FBXL13: variants seen among roughly 807,000 people sequenced by gnomAD.
FBXL13 encodes the protein F-box and leucine-rich repeat protein 13.
A neutral mutation model predicts 83.6 loss-of-function variants in FBXL13; 67 were observed. That is an observed-to-expected ratio of 0.80 (90% CI 0.66 to 0.98). The LOEUF is 0.98. Among genes scored for constraint, FBXL13 ranks in the 50% least tolerant of loss-of-function variants. The pLI is 0.00. For synonymous variants in FBXL13, 272 were observed against 299.5 expected (o/e 0.91, Z 0.95); for missense variants, 822 against 866.5 (o/e 0.95, Z 0.64).
At chr7:103,034,302 T>C (rs932517379) in intron 2 of FBXL13, among the ~76,000 whole-genome samples, 3 of 152,014 alleles carry the variant, frequency 2.0e-5, no homozygotes, top group African/African-American at 7.2e-5. Flanking sequence ...GGGCGGCGCT[T>C]GTAGGGGAGG....
At chr7:102,842,285 G>A (rs1803084510) in intron 17 of FBXL13, among the ~76,000 whole-genome samples, 1 of 152,206 alleles carries the variant, frequency 6.6e-6, no homozygotes, top group Non-Finnish European at 1.5e-5. Flanking sequence ...AAGAGGTGGA[G>A]TTACTGAAAT....
chr7:102,987,696 T>C (rs1230674847), intron 6 of FBXL13, among the ~76,000 whole-genome samples: 1 of 152,222 alleles, frequency 6.6e-6, no homozygotes, highest in Non-Finnish European at 1.5e-5. Flanking sequence ...CATACACTAA[T>C]CACTAATGGG....
rs762442584 is a variant in FBXL13, at chr7:102,942,312, A to G, written c.725-10379T>C. On this transcript the variant is annotated intron_variant, in intron 8 of 19. Coordinates refer to ENST00000313221, the Ensembl canonical transcript of FBXL13. ...CAGGGTCTTTGAGATGAAACCCTGCAAGTAGACTTACGTGAATGATTTTTG... is the reference window on the plus strand; with the variant it reads ...CAGGGTCTTTGAGATGAAACCCTGCGAGTAGACTTACGTGAATGATTTTTG... 6.3e-6 allele frequency: 10 copies of G among 1,598,084 alleles called. No homozygotes were observed. In the East Asian group the frequency reaches 2.3e-4, roughly 37 times the overall value.
At chr7:103,034,899 A>G (rs1174492353) in intron 2 of FBXL13, among the ~76,000 whole-genome samples, 1 of 152,264 alleles carries the variant, frequency 6.6e-6, no homozygotes, top group African/African-American at 2.4e-5. Flanking sequence ...AGTTTTTGAA[A>G]AAACACAATC....
chr7:102,939,474 C>A, intron 8 of FBXL13: 2 of 1,613,582 alleles, frequency 1.2e-6, no homozygotes, highest in Non-Finnish European at 1.7e-6. Flanking sequence ...TATTGTTAAA[C>A]TTGACTTGTC....
chr7:102,868,816 C>T (rs1808116819), intron 16 of FBXL13, among the ~76,000 whole-genome samples: 1 of 152,176 alleles, frequency 6.6e-6, no homozygotes, highest in Non-Finnish European at 1.5e-5. Flanking sequence ...CACAGGTGTG[C>T]ACCACCATGT....
intron 1 of FBXL13, among the ~76,000 whole-genome samples, chr7:103,056,416 G>A (rs965868551): frequency 6.6e-6 from 1 of 151,930 alleles, no homozygotes; most frequent in South Asian, 2.1e-4. Context: ...TGATCAAATG[G>A]TAGTTCTACG....
chr7:102,942,969 T>G (rs996958683), intron 8 of FBXL13, among the ~76,000 whole-genome samples: 4 of 150,090 alleles, frequency 2.7e-5, no homozygotes, highest in African/African-American at 9.8e-5. Flanking sequence ...GTAGATTTCT[T>G]TGCTCTTAGA....
At chr7:102,938,536 T>A (rs1585040948) in intron 8 of FBXL13, among the ~76,000 whole-genome samples, 1 of 152,072 alleles carries the variant, frequency 6.6e-6, no homozygotes, top group Non-Finnish European at 1.5e-5. Flanking sequence ...TTGTAAGGGG[T>A]AATAATCAAG....
intron 6 of FBXL13, among the ~76,000 whole-genome samples, chr7:102,997,989 C>A (rs76547519): frequency 0.041 from 6,253 of 152,246 alleles, 167 homozygotes; most frequent in East Asian, 0.15. Context: ...GGAACCTCCA[C>A]ATTGTCTTCC....
chr7:102,860,467 AGT>A (rs775269373), intron 16 of FBXL13, among the ~76,000 whole-genome samples: 2 of 152,216 alleles, frequency 1.3e-5, no homozygotes, highest in Non-Finnish European at 2.9e-5. Context: ...TCATGTGCAA[AGT>A]GTGAGTTGTT....
chr7:102,964,368 A>G (rs1361176202), intron 7 of FBXL13, among the ~76,000 whole-genome samples: 1 of 150,802 alleles, frequency 6.6e-6, no homozygotes, highest in Non-Finnish European at 1.5e-5. Context: ...AAGGTACTCC[A>G]TAACTCCACA....
At chr7:102,842,028 G>C (rs895160102) in intron 17 of FBXL13, among the ~76,000 whole-genome samples, 1 of 152,126 alleles carries the variant, frequency 6.6e-6, no homozygotes, top group Admixed American at 6.5e-5. Flanking sequence ...AGACCCTCTG[G>C]AATCTCCATC....
intron 8 of FBXL13, among the ~76,000 whole-genome samples, chr7:102,948,209 G>A (rs1393268297): frequency 6.6e-6 from 1 of 151,700 alleles, no homozygotes; most frequent in African/African-American, 2.4e-5. Context: ...GATTACAGGC[G>A]CCCGCCACCA....
chr7:103,029,873 A>G (rs1794323175), intron 2 of FBXL13, among the ~76,000 whole-genome samples: 1 of 152,182 alleles, frequency 6.6e-6, no homozygotes, highest in African/African-American at 2.4e-5. Context: ...GGAAAACCAC[A>G]TAAATGAAAA....
chr7:102,913,818 CAG>C (rs1390142015), intron 10 of FBXL13, among the ~76,000 whole-genome samples: 1 of 152,144 alleles, frequency 6.6e-6, no homozygotes, highest in African/African-American at 2.4e-5. Flanking sequence ...AATTGATATG[CAG>C]AGTTTAAGCA....
At chr7:102,813,192 T>C, downstream of FBXL13, 2 of 739,618 alleles carry the variant, frequency 2.7e-6, no homozygotes, top group Non-Finnish European at 4.3e-6. Flanking sequence ...CTGATGTGTT[T>C]GGAAATATTT....
chr7:102,959,133 T>C (rs919677240), intron 8 of FBXL13, among the ~76,000 whole-genome samples: 5 of 152,070 alleles, frequency 3.3e-5, no homozygotes, highest in Admixed American at 6.6e-5. Flanking sequence ...AGAGAATCAA[T>C]TGACAAGCTA....
chr7:102,924,302 G>A (rs1450474528), intron 10 of FBXL13, among the ~76,000 whole-genome samples: 1 of 151,862 alleles, frequency 6.6e-6, no homozygotes, highest in Non-Finnish European at 1.5e-5. Context: ...CAGGCCTTGG[G>A]CCACATGGAT....
Sources: gnomAD v4.1 joint callset for allele counts (sites outside exome capture counted in the v4.1 genomes callset) on GRCh38, gnomAD v4.1.1 for gene constraint, MANE v1.5 for transcripts, NCBI Gene and HGNC (gene_info 2026-07-23, HGNC 2026-07-21) for gene names.